Variants in FNIP2 observed in about 807,000 individuals in gnomAD.
FNIP2 encodes the protein folliculin-interacting protein 2.
FNIP2 carries 32 observed loss-of-function variants against 108.7 expected under a neutral mutation model. The observed-to-expected ratio is 0.29, with a 90% CI of 0.22 to 0.40. The LOEUF (loss-of-function observed/expected upper bound fraction) is 0.40, where lower values mean the gene tolerates loss of function less well. Among genes scored for constraint, FNIP2 ranks in the 10% least tolerant of loss-of-function variants. The pLI, the probability that FNIP2 is intolerant of heterozygous loss-of-function variation, is 1.00. For missense variants in FNIP2, 1,202 were observed against 1,381.6 expected, an observed-to-expected ratio of 0.87 and a Z score of 2.06; for synonymous variants, 480 against 496.7, an observed-to-expected ratio of 0.97 and a Z score of 0.45.
At chr4:158,895,218 T>C (rs1010554171) in intron 15 of FNIP2, among the ~76,000 whole-genome samples, 2 of 152,180 alleles carry the variant, frequency 1.3e-5, no homozygotes, top group Admixed American at 6.5e-5. Flanking sequence ...AAAAAAGTTG[T>C]GGGGGAGGTT....
intron 3 of FNIP2, among the ~76,000 whole-genome samples, chr4:158,830,163 C>T (rs539620173): frequency 6.6e-6 from 1 of 150,714 alleles, no homozygotes; most frequent in African/African-American, 2.4e-5. Context: ...CAGTTGGTTT[C>T]TGTCTGCATA....
At chr4:158,866,507 C>G (rs34615736) in intron 12 of FNIP2, among the ~76,000 whole-genome samples, 1 of 151,342 alleles carries the variant, frequency 6.6e-6, no homozygotes, top group Non-Finnish European at 1.5e-5. Context: ...TGTGAGCCAC[C>G]GTGCCCAGCC....
chr4:158,809,623 C>T (rs925342071), intron 1 of FNIP2, among the ~76,000 whole-genome samples: 4 of 152,178 alleles, frequency 2.6e-5, no homozygotes, highest in Middle Eastern at 3.2e-3. Flanking sequence ...AAAATTCTTA[C>T]GGCTGTTTAT....
chr4:158,898,570 A>G (rs1782902570), intron 16 of FNIP2, among the ~76,000 whole-genome samples: 1 of 152,132 alleles, frequency 6.6e-6, no homozygotes, highest in African/African-American at 2.4e-5. Flanking sequence ...TGTAAGTTAT[A>G]TTACTAGGTA....
At chr4:158,843,745 G>C (rs1199840380) in intron 7 of FNIP2, among the ~76,000 whole-genome samples, 1 of 152,226 alleles carries the variant, frequency 6.6e-6, no homozygotes, top group Non-Finnish European at 1.5e-5. Context: ...AATGAGCCTG[G>C]AGAGGAAATA....
intron 1 of FNIP2, among the ~76,000 whole-genome samples, chr4:158,788,458 T>G (rs553628823): frequency 6.6e-6 from 1 of 152,366 alleles, no homozygotes; most frequent in Admixed American, 6.5e-5. Flanking sequence ...ATCTTATGTG[T>G]TTAACCTCCA....
At position 158,826,025 on chromosome 4, in the gene FNIP2, G is replaced by A; in HGVS notation, c.217G>A (p.Glu73Lys). Residue 73 changes from glutamate to lysine, a missense_variant, in exon 2 of 17, where the codon GAG becomes AAG. Physicochemically the swap from Glu to Lys is moderately conservative, Grantham distance 56. Transcript: ENST00000264433. ...TGACTCTAAAGCTGTTCAAAAGATT[G>A]AGGAGGTGACAGCTCAGGTATGAAA... is the stretch of plus-strand genomic sequence containing the variant. ...LFDSKAVQKI[E>K]EVTAQKTEDV... is the part of the protein sequence containing the mutation. 6.2e-7 allele frequency: 1 copy of A among 1,607,386 alleles called. No homozygotes were observed. Among genetic ancestry groups the A allele is most frequent in the Non-Finnish European group, 8.5e-7 (1 of 1,174,576 alleles).
intron 1 of FNIP2, chr4:158,806,038 AC>A: frequency 1.6e-6 from 1 of 630,156 alleles, no homozygotes; most frequent in Non-Finnish European, 2.0e-6. Flanking sequence ...TGAATGTTCC[AC>A]CTTTTTTTTT....
chr4:158,777,868 T>C (rs1191036313), intron 1 of FNIP2, among the ~76,000 whole-genome samples: 1 of 152,196 alleles, frequency 6.6e-6, no homozygotes, highest in Non-Finnish European at 1.5e-5. Context: ...TCATATAAAA[T>C]ATGTTGAAAT....
intron 1 of FNIP2, among the ~76,000 whole-genome samples, chr4:158,800,376 A>C (rs1278287041): frequency 6.6e-6 from 1 of 152,186 alleles, no homozygotes; most frequent in African/African-American, 2.4e-5. Flanking sequence ...GCTGGTTTTT[A>C]TAAATATTAA....
intron 1 of FNIP2, among the ~76,000 whole-genome samples, chr4:158,773,970 G>A (rs989772372): frequency 1.3e-5 from 2 of 152,052 alleles, no homozygotes; most frequent in Non-Finnish European, 2.9e-5. Context: ...TCACACAATG[G>A]ATGACATTCT....
chr4:158,883,463 G>C (rs913080660), intron 14 of FNIP2, among the ~76,000 whole-genome samples: 6 of 152,100 alleles, frequency 3.9e-5, no homozygotes, highest in Admixed American at 1.3e-4. Flanking sequence ...GGATGGTCTC[G>C]ATCTCCTGAC....
At chr4:158,893,971 C>T (rs1048262276) in intron 15 of FNIP2, among the ~76,000 whole-genome samples, 2 of 151,820 alleles carry the variant, frequency 1.3e-5, no homozygotes, top group African/African-American at 4.8e-5. Context: ...TAAAATTCTC[C>T]TTAAAAAAAA....
intron 16 of FNIP2, among the ~76,000 whole-genome samples, chr4:158,901,128 A>ATTTTTTTTTTT (rs140017298): frequency 8.9e-6 from 1 of 112,300 alleles, no homozygotes; most frequent in Non-Finnish European, 1.7e-5. Flanking sequence ...CTGGGTTGAA[A>ATTTTTTTTTTT]TTTTTTTTTT....
rs775123979 is a variant in FNIP2, at chr4:158,861,440, G to A, written c.1247G>A (p.Arg416His). 2.4e-5 allele frequency: 38 copies of A among 1,613,832 alleles called. No individual in the cohort carries two copies. The highest frequency in any genetic ancestry group is 6.7e-5 in the African/African-American group (5 of 74,912). Residue 416 changes from arginine to histidine, a missense_variant, in exon 11 of 17, where the codon CGC (arginine) becomes CAC (histidine). Coordinates refer to ENST00000264433, the MANE Select transcript of FNIP2 (RefSeq NM_020840.3). ...GTLEKNQLCQ[R>H]FLKEFTLLIE... is the part of the protein sequence containing the mutation. ...TTGGAAAAAAACCAGCTCTGCCAGC[G>A]CTTTCTCAAGGAGTTTACACTTCTG...
intron 14 of FNIP2, among the ~76,000 whole-genome samples, chr4:158,878,339 T>G (rs1781396930): frequency 6.6e-6 from 1 of 152,164 alleles, no homozygotes; most frequent in South Asian, 2.1e-4. Flanking sequence ...AGAACTATTC[T>G]TCCATGAAAA....
intron 6 of FNIP2, 109 bp downstream of exon 6, chr4:158,833,737 A>G: frequency 2.1e-6 from 3 of 1,453,380 alleles, no homozygotes; most frequent in Non-Finnish European, 2.8e-6. Flanking sequence ...GTTATCTTTA[A>G]TCTGTGTTTA....
chr4:158,887,510 G>A (rs1782079594), intron 14 of FNIP2, among the ~76,000 whole-genome samples: 1 of 152,094 alleles, frequency 6.6e-6, no homozygotes, highest in Admixed American at 6.5e-5. Context: ...GCCGAGGTGG[G>A]TGGATCACTT....
intron 14 of FNIP2, among the ~76,000 whole-genome samples, chr4:158,884,635 G>A (rs903880558): frequency 2.6e-5 from 4 of 152,154 alleles, no homozygotes; most frequent in Non-Finnish European, 5.9e-5. Context: ...GAAGGAGGCT[G>A]TACTAGTCCC....
Sources: allele counts gnomAD v4.1 joint callset (sites outside exome capture counted in the v4.1 genomes callset), GRCh38; gene constraint gnomAD v4.1.1; transcripts MANE v1.5; gene names NCBI Gene and HGNC (gene_info 2026-07-23, HGNC 2026-07-21).